The following SLCO3A1 variants were observed in gnomAD, a reference collection of about 807,000 sequenced individuals.
SLCO3A1 encodes PGE1 transporter.
SLCO3A1 carries 27 observed loss-of-function variants against 63.1 expected under a neutral mutation model. The ratio of observed to expected loss-of-function variants is 0.43; its 90% CI spans 0.32 to 0.59. SLCO3A1 has a LOEUF of 0.59. Among genes scored for constraint, SLCO3A1 ranks in the 20% least tolerant of loss-of-function variants. The pLI, the probability that SLCO3A1 is intolerant of heterozygous loss-of-function variation, is 0.09. For missense variants in SLCO3A1, 773 were observed against 945.8 expected (o/e 0.82, Z 2.40); for synonymous variants, 473 against 409.9 (o/e 1.15, Z -1.86).
chr15:92,067,706 G>A (rs2047167982), intron 2 of SLCO3A1, among the ~76,000 whole-genome samples: 1 of 152,222 alleles, frequency 6.6e-6, no homozygotes, highest in Non-Finnish European at 1.5e-5. Context: ...ACTACTCTTT[G>A]TGGTTTCCCT....
chr15:91,883,994 C>T lies in SLCO3A1; in HGVS notation c.180+29906C>T, dbSNP rs1473595168. ...AAAGCTTTATCACCATAGCATCATA[C>T]ATACAGTCACATTAATGATCAAAAT... On this transcript the variant is annotated intron_variant, in intron 1 of 9. Coordinates refer to ENST00000318445, the MANE Select transcript of SLCO3A1 (RefSeq NM_013272.4). The surrounding 1 kb of genome is among the most constrained non-coding windows in gnomAD (Gnocchi z 4.8). Among the ~76,000 whole-genome samples the T allele has an allele frequency of 6.6e-6, 1 of 152,214 alleles. No homozygotes were observed. The highest frequency in any genetic ancestry group is 1.5e-5 in the Non-Finnish European group (1 of 68,040).
intron 2 of SLCO3A1, among the ~76,000 whole-genome samples, chr15:91,990,652 A>G (rs924061497): frequency 2.5e-5 from 3 of 118,006 alleles, no homozygotes; most frequent in African/African-American, 8.9e-5. Flanking sequence ...AGCCTCAAGA[A>G]AAAAAAAAAA....
chr15:92,040,959 C>T (rs1314920974), intron 2 of SLCO3A1, among the ~76,000 whole-genome samples: 1 of 152,178 alleles, frequency 6.6e-6, no homozygotes, highest in African/African-American at 2.4e-5. Flanking sequence ...TCCTAGTCCT[C>T]TGGGCATGTG....
At chr15:91,929,331 G>A (rs535846506) in intron 2 of SLCO3A1, among the ~76,000 whole-genome samples, 9 of 152,226 alleles carry the variant, frequency 5.9e-5, no homozygotes, top group Admixed American at 3.9e-4. Context: ...ACATTTTCCC[G>A]AAGTCATTGA....
At chr15:92,085,131 C>A (rs1649232098) in intron 2 of SLCO3A1, among the ~76,000 whole-genome samples, 1 of 152,186 alleles carries the variant, frequency 6.6e-6, no homozygotes, top group African/African-American at 2.4e-5. Flanking sequence ...GAGGGGGCTC[C>A]CCAGGTTTCC....
chr15:92,142,741 G>A (rs912701243), intron 7 of SLCO3A1, among the ~76,000 whole-genome samples: 13 of 152,104 alleles, frequency 8.5e-5, no homozygotes, highest in African/African-American at 1.2e-4. Context: ...TGCAGGCACC[G>A]TGCCAGCTGT....
chr15:92,021,715 A>C (rs116218393), intron 2 of SLCO3A1, among the ~76,000 whole-genome samples: 3 of 152,176 alleles, frequency 2.0e-5, no homozygotes, highest in Admixed American at 6.5e-5. Flanking sequence ...ACACAGCCCT[A>C]CCCTCAAGAA....
chr15:92,020,234 CACACTA>C (rs1307230239), intron 2 of SLCO3A1, among the ~76,000 whole-genome samples: 3 of 143,534 alleles, frequency 2.1e-5, no homozygotes, highest in African/African-American at 8.0e-5. Flanking sequence ...TACACACACA[CACACTA>C]TATATATATG....
intron 2 of SLCO3A1, among the ~76,000 whole-genome samples, chr15:92,020,654 C>T (rs1258785795): frequency 1.3e-5 from 2 of 152,186 alleles, no homozygotes; most frequent in African/African-American, 2.4e-5. Context: ...GCATGCACCA[C>T]CCAGCACTCC....
At chr15:92,001,657 C>T (rs1000149538) in intron 2 of SLCO3A1, among the ~76,000 whole-genome samples, 1 of 152,130 alleles carries the variant, frequency 6.6e-6, no homozygotes, top group Admixed American at 6.5e-5. Context: ...ATAAAACAAA[C>T]ATGTGCTGTT....
chr15:91,972,591 G>T, intron 2 of SLCO3A1, among the ~76,000 whole-genome samples: 1 of 152,162 alleles, frequency 6.6e-6, no homozygotes, highest in African/African-American at 2.4e-5. Flanking sequence ...CTGTTGTATT[G>T]TTACAGGACC....
chr15:92,029,035 A>G (rs2151477999), intron 2 of SLCO3A1, among the ~76,000 whole-genome samples: 1 of 152,068 alleles, frequency 6.6e-6, no homozygotes, highest in African/African-American at 2.4e-5. Flanking sequence ...CAGGCCCCAG[A>G]GGACATACAT....
chr15:92,153,801 C>T (rs557187146), intron 9 of SLCO3A1, among the ~76,000 whole-genome samples: 1 of 151,916 alleles, frequency 6.6e-6, no homozygotes, highest in Non-Finnish European at 1.5e-5. Flanking sequence ...GGTAAAAGCC[C>T]GGGGATGAAC....
At chr15:92,020,942 T>C (rs556796783) in intron 2 of SLCO3A1, among the ~76,000 whole-genome samples, 5 of 152,366 alleles carry the variant, frequency 3.3e-5, no homozygotes, top group Admixed American at 3.3e-4. Flanking sequence ...AATTCCTGGC[T>C]TCATTGTTGT....
chr15:92,153,841 A>G (rs2048338234), intron 9 of SLCO3A1, among the ~76,000 whole-genome samples: 1 of 152,074 alleles, frequency 6.6e-6, no homozygotes, highest in African/African-American at 2.4e-5. Context: ...GGGGCTGCAG[A>G]AGGCCCAGAC....
intron 2 of SLCO3A1, among the ~76,000 whole-genome samples, chr15:92,032,367 GAGGACTTCAACAC>G (rs2046661968): frequency 6.6e-6 from 1 of 152,092 alleles, no homozygotes; most frequent in African/African-American, 2.4e-5. Flanking sequence ...CAAGGAAAAT[GAGGACTTCAACAC>G]AGCATTCTAG....
At chr15:92,112,994 C>T (rs1036884105) in intron 4 of SLCO3A1, among the ~76,000 whole-genome samples, 3 of 152,232 alleles carry the variant, frequency 2.0e-5, no homozygotes, top group Admixed American at 6.5e-5. Context: ...GGCCACCACT[C>T]TCCCAAAGAA....
At chr15:91,861,203 C>T (rs574157371) in intron 1 of SLCO3A1, among the ~76,000 whole-genome samples, 33 of 152,234 alleles carry the variant, frequency 2.2e-4, no homozygotes, top group African/African-American at 7.9e-4. Flanking sequence ...ATGACTTTGC[C>T]GAGGGAGGAA....
intron 2 of SLCO3A1, among the ~76,000 whole-genome samples, chr15:92,016,880 A>G (rs2046444215): frequency 1.3e-5 from 2 of 152,174 alleles, no homozygotes; most frequent in Non-Finnish European, 2.9e-5. Flanking sequence ...TCTCAAAGTG[A>G]GTTATGTGGG....
Sources: allele counts gnomAD v4.1 joint callset (sites outside exome capture counted in the v4.1 genomes callset), GRCh38; gene constraint gnomAD v4.1.1; non-coding constraint Gnocchi (gnomAD v3.1); transcripts MANE v1.5; gene names NCBI Gene and HGNC (gene_info 2026-07-23, HGNC 2026-07-21).